The following DPF3 variants were observed in gnomAD, a reference collection of about 807,000 sequenced individuals.
The protein encoded by DPF3 is double PHD fingers 3.
A neutral mutation model predicts 56.8 loss-of-function variants in DPF3; 18 were observed. That is an observed-to-expected ratio of 0.32 (90% confidence interval 0.22 to 0.47). The LOEUF (loss-of-function observed/expected upper bound fraction) is 0.47. Among genes scored for constraint, DPF3 ranks in the 20% least tolerant of loss-of-function variants. DPF3 has a pLI of 1.00. For synonymous variants in DPF3, 188 were observed against 180.2 expected (o/e 1.04, Z -0.35); for missense variants, 403 against 488.8 (o/e 0.82, Z 1.65).
At chr14:72,815,549 C>A (rs1397381797) in intron 1 of DPF3, among the ~76,000 whole-genome samples, 2 of 152,356 alleles carry the variant, frequency 1.3e-5, no homozygotes, top group East Asian at 3.9e-4. Context: ...CAGCTTTCTG[C>A]ATAATGGCCA....
chr14:72,803,534 C>G (rs10136074), intron 1 of DPF3, among the ~76,000 whole-genome samples: 147,396 of 152,332 alleles, frequency 0.97, 71,331 homozygotes, highest in East Asian at 1. Flanking sequence ...AGATACAAGA[C>G]ACAAGCCCAA....
At position 72,692,252 on chromosome 14, in the gene DPF3, G is replaced by A. The variant is rs149484702; in HGVS notation, c.742+824C>T. Among the ~76,000 whole-genome samples the A allele has an allele frequency of 1.4e-4, 21 of 152,274 alleles. No individual in the cohort carries two copies. In the East Asian group the frequency reaches 3.1e-3, roughly 22 times the overall value. On this transcript the variant is annotated intron_variant, in intron 7 of 10. Coordinates refer to ENST00000556509, the MANE Select transcript of DPF3 (RefSeq NM_001280542.3). ...AATGAAAAACACATGGCCTGTCCAC[G>A]AATATTCTTCACTGAGAGATCTCAG...
intron 1 of DPF3, among the ~76,000 whole-genome samples, chr14:72,810,416 T>C (rs1333036782): frequency 6.6e-6 from 1 of 152,128 alleles, no homozygotes; most frequent in Non-Finnish European, 1.5e-5. Context: ...TGCCAGGGTG[T>C]GTTCTAATAC....
chr14:72,847,742 C>A (rs61986330), intron 1 of DPF3, among the ~76,000 whole-genome samples: 30,565 of 152,078 alleles, frequency 0.2, 3,907 homozygotes, highest in Non-Finnish European at 0.27. Flanking sequence ...AAACTCCTGA[C>A]CTCAGGTGAT....
chr14:72,867,617 G>T (rs1343330841), intron 1 of DPF3, among the ~76,000 whole-genome samples: 1 of 152,214 alleles, frequency 6.6e-6, no homozygotes, highest in Non-Finnish European at 1.5e-5. Context: ...TGCAAAGTCT[G>T]AACAATTGAA....
At chr14:72,748,174 A>C (rs1296474613) in intron 3 of DPF3, among the ~76,000 whole-genome samples, 1 of 152,222 alleles carries the variant, frequency 6.6e-6, no homozygotes, top group African/African-American at 2.4e-5. Context: ...AAATGCTGAT[A>C]GTGATATGGA....
chr14:72,704,700 T>C (rs988037126), intron 6 of DPF3, among the ~76,000 whole-genome samples: 1 of 152,206 alleles, frequency 6.6e-6, no homozygotes, highest in African/African-American at 2.4e-5. Context: ...CTTCCCCTTT[T>C]AGGATATTCC....
At chr14:72,811,073 A>C (rs947885356) in intron 1 of DPF3, among the ~76,000 whole-genome samples, 1 of 152,210 alleles carries the variant, frequency 6.6e-6, no homozygotes, top group African/African-American at 2.4e-5. Flanking sequence ...TCACATGGTG[A>C]GAGCAAGACC....
intron 3 of DPF3, among the ~76,000 whole-genome samples, chr14:72,733,671 C>T (rs1036539205): frequency 1.3e-5 from 2 of 152,114 alleles, no homozygotes; most frequent in East Asian, 3.9e-4. Context: ...CACAGCCTAC[C>T]GAGCTCCGAG....
At chr14:72,883,202 TGC>T (rs1200508316) in intron 1 of DPF3, among the ~76,000 whole-genome samples, 1 of 152,224 alleles carries the variant, frequency 6.6e-6, no homozygotes, top group Non-Finnish European at 1.5e-5. Flanking sequence ...GGTTTTCACC[TGC>T]AATCCCAGCA....
intron 6 of DPF3, among the ~76,000 whole-genome samples, chr14:72,712,061 G>A (rs901364555): frequency 6.6e-6 from 1 of 152,000 alleles, no homozygotes; most frequent in Non-Finnish European, 1.5e-5. Context: ...CCAGAACAGA[G>A]AAGGGCAATC....
intron 1 of DPF3, among the ~76,000 whole-genome samples, chr14:72,887,112 C>T (rs866195068): frequency 6.7e-6 from 1 of 149,726 alleles, no homozygotes; most frequent in African/African-American, 2.5e-5. Flanking sequence ...AAGTCCAGAC[C>T]GGAGGACTGG....
intron 1 of DPF3, among the ~76,000 whole-genome samples, chr14:72,856,684 C>T (rs970982141): frequency 1.3e-5 from 2 of 152,202 alleles, no homozygotes; most frequent in Non-Finnish European, 2.9e-5. Context: ...CCATCTGCCC[C>T]CATTTTCCCA....
chr14:72,730,752 T>G (rs1322226207), intron 4 of DPF3, among the ~76,000 whole-genome samples: 1 of 151,946 alleles, frequency 6.6e-6, no homozygotes, highest in Non-Finnish European at 1.5e-5. Flanking sequence ...ACAATTTAAT[T>G]TTAATAATTT....
Position 72,812,695 on chromosome 14 carries a change from T to C in DPF3, c.33-40802A>G, listed in dbSNP as rs143308264. 6.7e-3 allele frequency among the ~76,000 whole-genome samples: 1,027 copies of C among 152,228 alleles called. 14 individuals carry two copies. The highest frequency in any genetic ancestry group is 0.024 in the African/African-American group (977 of 41,554). ...CTAGGCCTGGGGGGAGAGGGCGCTC[T>C]AGTATGCCACTTGTCATGTACACTT... On this transcript the variant is annotated intron_variant, in intron 1 of 10. Coordinates refer to ENST00000556509, the MANE Select transcript of DPF3 (RefSeq NM_001280542.3).
At chr14:72,666,197 T>C (rs376447186) in intron 8 of DPF3, among the ~76,000 whole-genome samples, 3 of 152,332 alleles carry the variant, frequency 2.0e-5, no homozygotes, top group South Asian at 4.1e-4. Context: ...CCTGCCACCA[T>C]TACTCCCGCT....
chr14:72,889,984 T>C (rs1567272495), intron 1 of DPF3, among the ~76,000 whole-genome samples: 1 of 152,202 alleles, frequency 6.6e-6, no homozygotes, highest in African/African-American at 2.4e-5. Context: ...TCATATGGAA[T>C]TTAATAATAA....
chr14:72,710,689 T>C (rs1292276855), intron 6 of DPF3, among the ~76,000 whole-genome samples: 1 of 152,256 alleles, frequency 6.6e-6, no homozygotes, highest in Non-Finnish European at 1.5e-5. Context: ...GGTCCGGGCC[T>C]ACACTTTCAC....
intron 7 of DPF3, among the ~76,000 whole-genome samples, chr14:72,691,071 C>T (rs1285023905): frequency 6.6e-6 from 1 of 152,134 alleles, no homozygotes; most frequent in African/African-American, 2.4e-5. Flanking sequence ...AAGCTCTTCC[C>T]AGAGAGAAGA....
Sources: allele counts gnomAD v4.1 joint callset (sites outside exome capture counted in the v4.1 genomes callset), GRCh38; gene constraint gnomAD v4.1.1; transcripts MANE v1.5; gene names NCBI Gene and HGNC (gene_info 2026-07-23, HGNC 2026-07-21).